TYR: variants seen among roughly 807,000 people sequenced by gnomAD.
TYR encodes the protein tyrosinase, also known as LB24-AB.
A neutral mutation model predicts 51.5 loss-of-function variants in TYR; 58 were observed. The ratio of observed to expected loss-of-function variants is 1.13; its 90% confidence interval spans 0.91 to 1.40. The LOEUF (loss-of-function observed/expected upper bound fraction) is 1.40. Ranked by LOEUF, TYR falls within the 40% of genes most tolerant of loss-of-function variation. TYR has a pLI of 0.00. For missense variants in TYR, 732 were observed against 647.4 expected (o/e 1.13, Z -1.42); for synonymous variants, 263 against 235.2 (o/e 1.12, Z -1.08).
chr11:89,251,335 G>C (rs1354836050), intron 3 of TYR, among the ~76,000 whole-genome samples: 1 of 151,776 alleles, frequency 6.6e-6, no homozygotes, highest in South Asian at 2.1e-4. Context: ...ATGACATAAG[G>C]GTTTCCTGAA....
chr11:89,210,505 A>C (rs1032626199), intron 2 of TYR, among the ~76,000 whole-genome samples: 1 of 152,246 alleles, frequency 6.6e-6, no homozygotes, highest in African/African-American at 2.4e-5. Flanking sequence ...CGTGTACCTG[A>C]AAGTGATGAC....
intron 2 of TYR, among the ~76,000 whole-genome samples, chr11:89,196,998 T>C (rs549240014): frequency 6.6e-6 from 1 of 152,224 alleles, no homozygotes; most frequent in South Asian, 2.1e-4. Flanking sequence ...CATAAAATGG[T>C]AATTGATATA....
chr11:89,285,132 T>C lies in TYR; in HGVS notation c.1366+178T>C, dbSNP rs377010616. 1.1e-3 allele frequency among the ~76,000 whole-genome samples: 160 copies of C among 151,916 alleles called. 1 individual carries two copies. The highest frequency in any genetic ancestry group is 3.7e-3 in the African/African-American group (153 of 41,520). ...TCACAGGAATCAAATTCTGAGGATCTTTAAAGTCATGGTCATTTTGCTTAA... is the reference window on the plus strand; with the variant it reads ...TCACAGGAATCAAATTCTGAGGATCCTTAAAGTCATGGTCATTTTGCTTAA... On this transcript the variant is annotated intron_variant, in intron 4 of 4. Coordinates refer to ENST00000263321, the MANE Select transcript of TYR (RefSeq NM_000372.5).
Position 89,232,881 on chromosome 11 carries a change from G to A in TYR, c.1184+4911G>A, listed in dbSNP as rs563580596. On this transcript the variant is annotated intron_variant, in intron 3 of 4. Coordinates refer to ENST00000263321, the MANE Select transcript of TYR (RefSeq NM_000372.5). The stretch of plus-strand genomic sequence containing the variant: ...TCATCAAGTCAAAGTTTTGCTGGGG[G>A]AGGGTCTTGCCTTGATTTTGATGGC... 3.5e-4 allele frequency among the ~76,000 whole-genome samples: 50 copies of A among 143,284 alleles called. 7 individuals are homozygous for A. The highest frequency in any genetic ancestry group is 1.4e-3 in the African/African-American group (50 of 36,270). 94.0% of individuals were successfully genotyped at this position (143,284 alleles called of 152,430 possible). A position where few individuals can be genotyped will look rare whatever the true frequency, so the allele number is the denominator to read the frequency against.
chr11:89,181,407 T>A (rs974672587), intron 1 of TYR, among the ~76,000 whole-genome samples: 2 of 152,248 alleles, frequency 1.3e-5, no homozygotes, highest in African/African-American at 4.8e-5. Flanking sequence ...TGTTTTGGTA[T>A]CTTTTTACTT....
intron 2 of TYR, among the ~76,000 whole-genome samples, chr11:89,215,360 A>G (rs1376432602): frequency 9.2e-6 from 1 of 109,078 alleles, no homozygotes; most frequent in Admixed American, 1.4e-4. Flanking sequence ...GATGGGGAAC[A>G]TCCCTGTTTG....
At chr11:89,219,166 T>C (rs1363496072) in intron 2 of TYR, among the ~76,000 whole-genome samples, 2 of 152,176 alleles carry the variant, frequency 1.3e-5, no homozygotes, top group South Asian at 4.1e-4. Context: ...TCTAGCCCTA[T>C]ATAGAAGCCA....
intron 3 of TYR, among the ~76,000 whole-genome samples, chr11:89,262,470 G>T: frequency 6.6e-6 from 1 of 151,392 alleles, no homozygotes; most frequent in East Asian, 2.0e-4. Flanking sequence ...ACTCAAATAA[G>T]AAGAAAGAAA....
intron 2 of TYR, among the ~76,000 whole-genome samples, chr11:89,209,675 C>T (rs751770444): frequency 4.6e-5 from 7 of 152,160 alleles, no homozygotes; most frequent in Non-Finnish European, 1.0e-4. Flanking sequence ...TCCCTGACCC[C>T]GTGTAGCCTG....
At chr11:89,223,908 G>GTTT (rs66544506) in intron 2 of TYR, among the ~76,000 whole-genome samples, 16,310 of 142,992 alleles carry the variant, frequency 0.11, 1,511 homozygotes, top group African/African-American at 0.26. Flanking sequence ...TTCTTTAGCT[G>GTTT]TTTTTTTTTT....
chr11:89,232,869 G>C (rs1465447988), intron 3 of TYR, among the ~76,000 whole-genome samples: 2 of 143,436 alleles, frequency 1.4e-5, no homozygotes, highest in Non-Finnish European at 3.0e-5. Context: ...TCAAGTCAAA[G>C]TTTTGCTGGG....
rs537910081 is a variant in TYR at position 89,261,811 on chromosome 11, G to C, written c.1185-22962G>C. 2.1e-4 allele frequency among the ~76,000 whole-genome samples: 32 copies of C among 151,852 alleles called. 1 individual carries two copies. The highest frequency in any genetic ancestry group is 7.0e-4 in the African/African-American group (29 of 41,424). On this transcript the variant is annotated intron_variant, in intron 3 of 4. Coordinates refer to ENST00000263321, the MANE Select transcript of TYR (RefSeq NM_000372.5). ...AATTACATGTGAGACCATAAAACAA[G>C]TCTCAAAACTTTGAAAAGATTGAAA...
chr11:89,290,128 A>G (rs1284267278), intron 4 of TYR, among the ~76,000 whole-genome samples: 2 of 152,094 alleles, frequency 1.3e-5, no homozygotes, highest in Non-Finnish European at 2.9e-5. Flanking sequence ...CTACATAATT[A>G]TTCTGAAAAG....
chr11:89,236,980 A>C (rs1944123951), intron 3 of TYR, among the ~76,000 whole-genome samples: 1 of 152,170 alleles, frequency 6.6e-6, no homozygotes. Flanking sequence ...TCCTGAAATC[A>C]GCCATGGTGA....
rs1943438663 is a variant in TYR at position 89,191,185 on chromosome 11, G to A, written c.820-17G>A. The stretch of plus-strand genomic sequence containing the variant: ...GTGGTGGTGACAATTTGTTTAACAT[G>A]AGGGTGTTTTGTACAGATTGTCTGT... On this transcript the variant is annotated splice_polypyrimidine_tract_variant and intron_variant, in intron 1 of 4. Transcript: ENST00000263321. 1 of 1,611,424 alleles carries A rather than the reference G, an allele frequency of 6.2e-7. No homozygotes were observed. Among genetic ancestry groups the A allele is most frequent in the East Asian group, 2.2e-5 (1 of 44,838 alleles).
chr11:89,254,711 T>A (rs528210963), intron 3 of TYR, among the ~76,000 whole-genome samples: 31 of 152,038 alleles, frequency 2.0e-4, no homozygotes, highest in African/African-American at 7.5e-4. Context: ...GGATTTTCTA[T>A]CTTCTTTTCT....
At chr11:89,264,735 C>A (rs1379524519) in intron 3 of TYR, among the ~76,000 whole-genome samples, 23 of 135,394 alleles carry the variant, frequency 1.7e-4, no homozygotes, top group African/African-American at 2.9e-4. Flanking sequence ...ACTATGCAGC[C>A]AAAAAAAAAA....
chr11:89,211,191 G>A (rs543559234), intron 2 of TYR, among the ~76,000 whole-genome samples: 108 of 152,142 alleles, frequency 7.1e-4, no homozygotes, highest in Non-Finnish European at 1.2e-3. Flanking sequence ...AAGACCCATC[G>A]ATGTGCTATA....
intron 3 of TYR, among the ~76,000 whole-genome samples, chr11:89,235,690 T>C (rs1384317264): frequency 2.6e-5 from 4 of 151,952 alleles, no homozygotes; most frequent in South Asian, 4.2e-4. Flanking sequence ...AGGGGATGAA[T>C]AGGGTCAATG....
Sources: gnomAD v4.1 joint callset for allele counts (sites outside exome capture counted in the v4.1 genomes callset) on GRCh38, gnomAD v4.1.1 for gene constraint, MANE v1.5 for transcripts, NCBI Gene and HGNC (gene_info 2026-07-23, HGNC 2026-07-21) for gene names.